The following GLYATL1 variants were observed in gnomAD, a reference collection of about 807,000 sequenced individuals.
GLYATL1 encodes glycine-N-acyltransferase like 1.
In GLYATL1, 15 loss-of-function variants were observed where a neutral mutation model predicts 20.0. The ratio of observed to expected loss-of-function variants is 0.75; its 90% CI spans 0.50 to 1.15. GLYATL1 has a LOEUF of 1.15. Among genes scored for constraint, GLYATL1 ranks in the 50% most tolerant of loss-of-function variants. GLYATL1 has a pLI of 0.00. For missense variants in GLYATL1, 380 were observed against 368.5 expected, an observed-to-expected ratio of 1.03 and a Z score of -0.26; for synonymous variants, 151 against 131.5, an observed-to-expected ratio of 1.15 and a Z score of -1.01.
chr11:58,936,581 C>T (rs1005828179), upstream of GLYATL1, among the ~76,000 whole-genome samples: 1 of 152,136 alleles, frequency 6.6e-6, no homozygotes, highest in African/African-American at 2.4e-5. Context: ...AATGCATTAG[C>T]AGGGACTAAG....
At chr11:58,920,929 C>T (rs974388500) in intron 1 of GLYATL1, among the ~76,000 whole-genome samples, 9 of 152,174 alleles carry the variant, frequency 5.9e-5, no homozygotes, top group Non-Finnish European at 8.8e-5. Flanking sequence ...TGCCACCAGG[C>T]GATGCCAAGA....
intron 1 of GLYATL1, chr11:58,917,285 C>T (rs1184300506): frequency 6.6e-6 from 1 of 152,184 alleles, no homozygotes; most frequent in East Asian, 1.9e-4. Flanking sequence ...TCTTTGATTG[C>T]TGTGGGAATG....
chr11:58,933,254 C>T (rs541800069), intron 1 of GLYATL1, among the ~76,000 whole-genome samples: 1 of 152,248 alleles, frequency 6.6e-6, no homozygotes, highest in African/African-American at 2.4e-5. Context: ...GAGGTCAGTG[C>T]TGCGGAGATA....
chr11:58,948,574 G>A (rs931968142), intron 4 of GLYATL1, among the ~76,000 whole-genome samples: 4 of 152,110 alleles, frequency 2.6e-5, no homozygotes, highest in Non-Finnish European at 5.9e-5. Context: ...CCAGAAGGTC[G>A]AGGTTGCATT....
At chr11:58,940,519 T>A (rs185616652) in intron 1 of GLYATL1, among the ~76,000 whole-genome samples, 1 of 152,344 alleles carries the variant, frequency 6.6e-6, no homozygotes, top group East Asian at 1.9e-4. Flanking sequence ...GACTACCCAA[T>A]TGGATTATAA....
intron 4 of GLYATL1, 144 bp downstream of exon 4, chr11:58,948,109 A>G: frequency 1.6e-6 from 1 of 641,184 alleles, no homozygotes; most frequent in Non-Finnish European, 2.8e-6. Context: ...GGCACCTTGC[A>G]TGAGTGCCAC....
At position 58,947,929 on chromosome 11, in the gene GLYATL1, T is replaced by C. The variant is rs574777858; in HGVS notation, c.150T>C (p.Pro50=). ...TGGAGGTGCTGGTGGATTCCTGGCC[T>C]GAATATCAGATGGTTATTATCCGGC... The part of the protein sequence containing the change: ...FNMEVLVDSW[P]EYQMVIIRPQ... Residue 50 remains proline (P), a synonymous_variant, in exon 4 of 7, where the codon CCT becomes CCC. Coordinates refer to ENST00000532726, the MANE Select transcript of GLYATL1 (RefSeq NM_001389712.2). 5.6e-6 allele frequency: 9 copies of C among 1,613,812 alleles called. No homozygotes were observed. The Admixed American group carries it at 1.3e-4, about 24-fold the overall frequency.
chr11:58,930,185 A>G (rs776461570), intron 1 of GLYATL1, among the ~76,000 whole-genome samples: 1 of 152,154 alleles, frequency 6.6e-6, no homozygotes, highest in Non-Finnish European at 1.5e-5. Flanking sequence ...GGCTGCCCCT[A>G]TTACTATCAA....
chr11:58,938,363 C>T (rs1855930744), upstream of GLYATL1, among the ~76,000 whole-genome samples: 1 of 152,160 alleles, frequency 6.6e-6, no homozygotes, highest in African/African-American at 2.4e-5. Flanking sequence ...GATGGAAGAA[C>T]ATTCAGGGGT....
At chr11:58,912,411 T>C (rs942788861), downstream of GLYATL1, among the ~76,000 whole-genome samples, 1 of 152,250 alleles carries the variant, frequency 6.6e-6, no homozygotes, top group Non-Finnish European at 1.5e-5. Context: ...CTCTGGAGTG[T>C]GTCTGCACTG....
upstream of GLYATL1, among the ~76,000 whole-genome samples, chr11:58,927,004 AT>A (rs1276643081): frequency 6.6e-6 from 1 of 152,224 alleles, no homozygotes; most frequent in Non-Finnish European, 1.5e-5. Flanking sequence ...ACAGTCATTC[AT>A]GCATGTTTTG....
At chr11:58,905,776 C>T in intron 1 of GLYATL1, 1 of 385,850 alleles carries the variant, frequency 2.6e-6, no homozygotes, top group Admixed American at 2.7e-5. Context: ...TCCCCTCGGC[C>T]TGGCCGTCTG....
At chr11:58,941,179 A>C (rs1464530970) in intron 1 of GLYATL1, among the ~76,000 whole-genome samples, 1 of 129,940 alleles carries the variant, frequency 7.7e-6, no homozygotes, top group Non-Finnish European at 1.6e-5. Flanking sequence ...TCCTAATGCT[A>C]TCCCTCCCCC....
At chr11:58,912,936 T>G (rs951429799), downstream of GLYATL1, among the ~76,000 whole-genome samples, 2 of 152,228 alleles carry the variant, frequency 1.3e-5, no homozygotes, top group Non-Finnish European at 2.9e-5. Context: ...GTGGCAAGTG[T>G]GTGCCTGGGA....
chr11:58,926,539 A>G (rs1293154810), upstream of GLYATL1, among the ~76,000 whole-genome samples: 1 of 152,230 alleles, frequency 6.6e-6, no homozygotes, highest in Non-Finnish European at 1.5e-5. Flanking sequence ...GTAAACCTAG[A>G]TCCAGTGATT....
upstream of GLYATL1, among the ~76,000 whole-genome samples, chr11:58,924,518 A>C (rs1192999619): frequency 6.6e-6 from 1 of 152,134 alleles, no homozygotes; most frequent in Non-Finnish European, 1.5e-5. Context: ...GCTTTCCCTA[A>C]TGTTTCCCTT....
intron 1 of GLYATL1, among the ~76,000 whole-genome samples, chr11:58,929,275 T>G (rs2135129594): frequency 6.6e-6 from 1 of 152,310 alleles, no homozygotes; most frequent in South Asian, 2.1e-4. Flanking sequence ...ATTTAAGAAG[T>G]TCCCTTTTAT....
exon 2 of GLYATL1, chr11:58,907,973 G>A (rs1854945964): frequency 6.5e-6 from 1 of 152,856 alleles, no homozygotes; most frequent in Admixed American, 6.5e-5. Context: ...ATGAGCCTCA[G>A]AAATTGTTAC....
chr11:58,955,364 A>G lies in GLYATL1; in HGVS notation c.491+11A>G, dbSNP rs1404636074. On this transcript the variant is annotated intron_variant, in intron 6 of 6. Transcript: ENST00000532726. ...TGATGAATTTGAAAGGTACAAAAAC[A>G]TGTGCTGATCATTTATAATTGCGAT... 2.5e-6 allele frequency: 4 copies of G among 1,606,404 alleles called. No homozygotes were observed. In the African/African-American group the frequency reaches 5.4e-5, roughly 22 times the overall value.
Sources: gnomAD v4.1 joint callset for allele counts (sites outside exome capture counted in the v4.1 genomes callset) on GRCh38, gnomAD v4.1.1 for gene constraint, MANE v1.5 for transcripts, NCBI Gene and HGNC (gene_info 2026-07-23, HGNC 2026-07-21) for gene names.